The following CPVL variants were observed in gnomAD, a reference collection of about 807,000 sequenced individuals.
The protein encoded by CPVL is carboxypeptidase vitellogenic like.
Under a neutral mutation model 63.7 loss-of-function variants are expected in CPVL, and 51 were observed. The ratio of observed to expected loss-of-function variants is 0.80; its 90% CI spans 0.64 to 1.01. The LOEUF is 1.01. CPVL is among the 50% of genes least tolerant of loss of function. The pLI, the probability that CPVL is intolerant of heterozygous loss-of-function variation, is 0.00. For missense variants in CPVL, 530 were observed against 573.1 expected, an observed-to-expected ratio of 0.92 and a Z score of 0.77; for synonymous variants, 195 against 206.0, an observed-to-expected ratio of 0.95 and a Z score of 0.46.
At chr7:29,061,164 T>C (rs1791238652) in intron 11 of CPVL, among the ~76,000 whole-genome samples, 1 of 152,208 alleles carries the variant, frequency 6.6e-6, no homozygotes, top group African/African-American at 2.4e-5. Context: ...TCCCAGCACT[T>C]TGGGAGGCCG....
chr7:29,066,792 G>A (rs974232983), intron 9 of CPVL, among the ~76,000 whole-genome samples: 12 of 152,176 alleles, frequency 7.9e-5, no homozygotes, highest in Non-Finnish European at 1.6e-4. Flanking sequence ...CCAGCTGAGC[G>A]GGAGAGCAGT....
intron 12 of CPVL, among the ~76,000 whole-genome samples, chr7:29,017,820 T>C (rs972718299): frequency 6.6e-6 from 1 of 152,230 alleles, no homozygotes. Flanking sequence ...TGTGATTCCA[T>C]TATTCCAGTA....
Position 29,068,551 on chromosome 7 carries a change from G to A in CPVL, c.865-2430C>T, listed in dbSNP as rs184444150. Among the ~76,000 whole-genome samples, 312 of 152,184 alleles carry A rather than the reference G, an allele frequency of 2.1e-3. 1 individual carries two copies. Among genetic ancestry groups the A allele is most frequent in the African/African-American group, 6.4e-3 (264 of 41,534 alleles). On this transcript the variant is annotated intron_variant, in intron 9 of 12. Transcript: ENST00000265394. ...CAGGGAACCAGCCAAAGTTCTGCTCGCTGAGCTGGAGAGCCTGGCTCAGGG... is the reference window on the plus strand; with the variant it reads ...CAGGGAACCAGCCAAAGTTCTGCTCACTGAGCTGGAGAGCCTGGCTCAGGG...
chr7:29,031,420 T>A (rs1243489913), intron 11 of CPVL, among the ~76,000 whole-genome samples: 2 of 152,212 alleles, frequency 1.3e-5, no homozygotes, highest in Non-Finnish European at 2.9e-5. Context: ...CTGATGTTTA[T>A]CATAGGAAAA....
At chr7:29,126,117 GATTTTACTAC>G (rs1789993468) in intron 1 of CPVL, among the ~76,000 whole-genome samples, 1 of 152,162 alleles carries the variant, frequency 6.6e-6, no homozygotes, top group South Asian at 2.1e-4. Flanking sequence ...ATTTCCTAAT[GATTTTACTAC>G]ATTTTACTAT....
chr7:29,115,641 CA>C (rs11342685), intron 2 of CPVL, among the ~76,000 whole-genome samples: 99,587 of 144,012 alleles, frequency 0.69, 34,945 homozygotes, highest in African/African-American at 0.91. Context: ...CCCTGCCTCC[CA>C]AAAAAAAAAA....
chr7:29,049,749 A>G (rs1789967242), intron 11 of CPVL, among the ~76,000 whole-genome samples: 1 of 152,146 alleles, frequency 6.6e-6, no homozygotes, highest in African/African-American at 2.4e-5. Context: ...TGATGAACAT[A>G]GACACTAAAA....
intron 12 of CPVL, among the ~76,000 whole-genome samples, chr7:29,023,557 A>C (rs908847191): frequency 2.6e-5 from 4 of 152,180 alleles, no homozygotes; most frequent in Admixed American, 1.3e-4. Context: ...CCCAAGGATC[A>C]GCCCACTCAG....
At chr7:29,017,364 T>G (rs1343154541) in intron 12 of CPVL, among the ~76,000 whole-genome samples, 2 of 152,252 alleles carry the variant, frequency 1.3e-5, no homozygotes, top group Non-Finnish European at 2.9e-5. Context: ...CTGGGCGTGG[T>G]GGCTCACGCC....
chr7:29,183,251 A>G (rs1798295358), intron 4 of CPVL, among the ~76,000 whole-genome samples: 1 of 151,808 alleles, frequency 6.6e-6, no homozygotes, highest in Non-Finnish European at 1.5e-5. Context: ...TGACTGGCTA[A>G]TTTTGTATTT....
intron 5 of CPVL, among the ~76,000 whole-genome samples, chr7:29,178,515 T>C (rs1007703450): frequency 2.0e-5 from 3 of 152,222 alleles, no homozygotes; most frequent in Non-Finnish European, 4.4e-5. Flanking sequence ...ATCAAGTCTC[T>C]GCTGAAATGT....
chr7:29,072,176 A>C (rs373367904), intron 8 of CPVL, 125 bp downstream of exon 8: 160 of 1,115,352 alleles, frequency 1.4e-4, no homozygotes, highest in East Asian at 1.3e-3. Context: ...TAGGAGATTT[A>C]AGTCATAAAG....
At chr7:29,082,398 C>G (rs1165442631) in intron 7 of CPVL, 1 of 152,158 alleles carries the variant, frequency 6.6e-6, no homozygotes, top group African/African-American at 2.4e-5. Context: ...GCCCTGAATC[C>G]CAGGTCTCCA....
chr7:29,114,088 G>A (rs1024610518), intron 2 of CPVL, among the ~76,000 whole-genome samples: 6 of 152,152 alleles, frequency 3.9e-5, no homozygotes, highest in Non-Finnish European at 8.8e-5. Flanking sequence ...TCTTTTCCCA[G>A]CTCAGCATTC....
intron 12 of CPVL, chr7:29,011,130 G>T (rs140236614): frequency 5.9e-5 from 9 of 152,344 alleles, no homozygotes; most frequent in African/African-American, 1.7e-4. Flanking sequence ...TATCACCAAA[G>T]GTGATAGGTG....
intron 1 of CPVL, chr7:29,195,055 G>T: frequency 2.0e-6 from 3 of 1,514,900 alleles, no homozygotes; most frequent in Non-Finnish European, 2.7e-6. Context: ...TCGCCCCGCA[G>T]CCTGGGATGG....
At chr7:29,084,177 T>C (rs1784997841) in intron 7 of CPVL, among the ~76,000 whole-genome samples, 1 of 152,178 alleles carries the variant, frequency 6.6e-6, no homozygotes, top group Non-Finnish European at 1.5e-5. Flanking sequence ...CCATTACCGT[T>C]AGAATAAAGT....
At chr7:29,112,081 T>G (rs1788289114) in intron 3 of CPVL, among the ~76,000 whole-genome samples, 3 of 152,236 alleles carry the variant, frequency 2.0e-5, no homozygotes, top group African/African-American at 7.2e-5. Context: ...TACCCACCTC[T>G]GTCTATAGAG....
At chr7:29,167,400 C>T (rs1432935231) in intron 5 of CPVL, among the ~76,000 whole-genome samples, 3 of 152,124 alleles carry the variant, frequency 2.0e-5, no homozygotes, top group East Asian at 3.8e-4. Context: ...CCACTATCTG[C>T]GGACATGAGA....
Sources: gnomAD v4.1 joint callset for allele counts (sites outside exome capture counted in the v4.1 genomes callset) on GRCh38, gnomAD v4.1.1 for gene constraint, MANE v1.5 for transcripts, NCBI Gene and HGNC (gene_info 2026-07-23, HGNC 2026-07-21) for gene names.